The following CHRM3 variants were observed in gnomAD, a reference collection of about 807,000 sequenced individuals.
CHRM3 encodes the protein muscarinic acetylcholine receptor M3.
A neutral mutation model predicts 41.8 loss-of-function variants in CHRM3; 11 were observed. The ratio of observed to expected loss-of-function variants is 0.26; its 90% CI spans 0.17 to 0.44. The LOEUF is 0.44. CHRM3 is among the 20% of genes least tolerant of loss of function. The probability of loss-of-function intolerance (pLI) is 1.00; values close to 1 mark genes in which losing one functional copy is unlikely to be tolerated. For missense variants in CHRM3, 571 were observed against 745.4 expected, an observed-to-expected ratio of 0.77 and a Z score of 2.72; for synonymous variants, 297 against 301.4, an observed-to-expected ratio of 0.99 and a Z score of 0.15.
At chr1:239,733,455 A>G (rs1664137639) in intron 5 of CHRM3, among the ~76,000 whole-genome samples, 1 of 152,078 alleles carries the variant, frequency 6.6e-6, no homozygotes, top group Non-Finnish European at 1.5e-5. Flanking sequence ...TTATCTGTAG[A>G]TATATACCTG....
chr1:239,417,857 A>G (rs1446046956), intron 1 of CHRM3, among the ~76,000 whole-genome samples: 3 of 152,198 alleles, frequency 2.0e-5, no homozygotes, highest in Non-Finnish European at 2.9e-5. Context: ...TTTTGTGACT[A>G]TTTGACAGCA....
intron 3 of CHRM3, among the ~76,000 whole-genome samples, chr1:239,563,118 A>G (rs1386870591): frequency 6.6e-6 from 1 of 152,090 alleles, no homozygotes; most frequent in African/African-American, 2.4e-5. Context: ...TCCTCTAGAA[A>G]TGTTTACAGC....
intron 3 of CHRM3, among the ~76,000 whole-genome samples, chr1:239,578,816 C>G (rs1662604201): frequency 6.6e-6 from 1 of 152,162 alleles, no homozygotes; most frequent in African/African-American, 2.4e-5. Context: ...GTCTCCCACT[C>G]AGGATGCACA....
chr1:239,681,507 C>G (rs1314828884), intron 5 of CHRM3, among the ~76,000 whole-genome samples: 2 of 152,094 alleles, frequency 1.3e-5, no homozygotes, highest in Non-Finnish European at 2.9e-5. Flanking sequence ...TAAAAATGAT[C>G]AGTGAAAGAC....
At chr1:239,652,157 T>TAC (rs1167082980) in intron 4 of CHRM3, among the ~76,000 whole-genome samples, 2 of 152,154 alleles carry the variant, frequency 1.3e-5, no homozygotes, top group Non-Finnish European at 2.9e-5. Flanking sequence ...TGAGCCGGTG[T>TAC]ATACCTTAAA....
intron 2 of CHRM3, among the ~76,000 whole-genome samples, chr1:239,498,523 A>G (rs2148116344): frequency 6.6e-6 from 1 of 152,262 alleles, no homozygotes; most frequent in South Asian, 2.1e-4. Flanking sequence ...GGGCAGTTGG[A>G]TCTACAGAAG....
chr1:239,703,690 G>T lies in CHRM3; in HGVS notation c.-147+25402G>T, dbSNP rs562030531. 2.0e-5 allele frequency: 3 copies of T among 152,230 alleles called. No homozygotes were observed. In the East Asian group the frequency reaches 5.8e-4, roughly 29 times the overall value. The allele number at this position is 152,230 out of a possible 1,614,324, so 9.4% of individuals were successfully genotyped here. A position where few individuals can be genotyped will look rare whatever the true frequency, so the allele number is the denominator to read the frequency against. On this transcript the variant is annotated intron_variant, in intron 5 of 6. Coordinates refer to ENST00000676153, the MANE Select transcript of CHRM3 (RefSeq NM_001375978.1). The stretch of plus-strand genomic sequence containing the variant: ...CTGAATCTACTTGAAGTTTGTGTTT[G>T]ATTCACTCTATTCAGAATTGTTTAC...
chr1:239,545,113 G>C (rs1033883733), intron 2 of CHRM3, among the ~76,000 whole-genome samples: 11 of 152,154 alleles, frequency 7.2e-5, no homozygotes, highest in African/African-American at 4.8e-5. Flanking sequence ...TTTTCTTATT[G>C]ATAAGCATAT....
At chr1:239,572,965 T>A (rs1661970112) in intron 3 of CHRM3, among the ~76,000 whole-genome samples, 1 of 152,220 alleles carries the variant, frequency 6.6e-6, no homozygotes, top group African/African-American at 2.4e-5. Flanking sequence ...CTTCTCTAAA[T>A]GTTCTCACCT....
At chr1:239,581,039 CT>C (rs1662853312) in intron 3 of CHRM3, among the ~76,000 whole-genome samples, 1 of 151,814 alleles carries the variant, frequency 6.6e-6, no homozygotes, top group African/African-American at 2.4e-5. Context: ...CATTTTGTCA[CT>C]TTTAAAAAAA....
chr1:239,696,844 C>A (rs932291798), intron 5 of CHRM3, among the ~76,000 whole-genome samples: 2 of 152,134 alleles, frequency 1.3e-5, no homozygotes, highest in African/African-American at 4.8e-5. Context: ...CAAAAACCAG[C>A]AGTCATCTAA....
chr1:239,650,744 G>A (rs969597895), intron 4 of CHRM3, among the ~76,000 whole-genome samples: 4 of 152,194 alleles, frequency 2.6e-5, no homozygotes, highest in African/African-American at 9.7e-5. Flanking sequence ...GCAAATATCT[G>A]CAGAGGCTAA....
chr1:239,596,209 CTT>C (rs1188072931), intron 3 of CHRM3, among the ~76,000 whole-genome samples: 5 of 152,166 alleles, frequency 3.3e-5, no homozygotes, highest in Non-Finnish European at 7.4e-5. Flanking sequence ...ATCTCTGACT[CTT>C]TACATGAAAG....
chr1:239,635,746 C>G (rs1670391664), intron 4 of CHRM3, among the ~76,000 whole-genome samples: 1 of 152,170 alleles, frequency 6.6e-6, no homozygotes, highest in African/African-American at 2.4e-5. Flanking sequence ...ATCATCTAAG[C>G]CCCATGAGGG....
chr1:239,532,735 T>C (rs1657758689), intron 2 of CHRM3, among the ~76,000 whole-genome samples: 1 of 151,948 alleles, frequency 6.6e-6, no homozygotes, highest in Non-Finnish European at 1.5e-5. Context: ...TGATAGTAAT[T>C]AAGAATATTG....
chr1:239,598,052 T>G (rs1033735415), intron 3 of CHRM3, among the ~76,000 whole-genome samples: 2 of 152,008 alleles, frequency 1.3e-5, no homozygotes, highest in African/African-American at 4.8e-5. Context: ...ACATGGCACA[T>G]AGAAAACACA....
intron 1 of CHRM3, among the ~76,000 whole-genome samples, chr1:239,423,470 G>A (rs1662116979): frequency 6.6e-6 from 1 of 152,160 alleles, no homozygotes; most frequent in Admixed American, 6.5e-5. Flanking sequence ...GAGGATGGAG[G>A]CGGGAATGCA....
In CHRM3 at chr1:239,747,646, A is replaced by G. The variant is rs955772026; in HGVS notation, c.-147+69358A>G. Among the ~76,000 whole-genome samples the G allele has an allele frequency of 2.0e-5, 3 of 152,216 alleles. No homozygotes were observed. The South Asian group carries it at 6.2e-4, about 32-fold the overall frequency. On this transcript the variant is annotated intron_variant, in intron 5 of 6. Coordinates refer to ENST00000676153, the MANE Select transcript of CHRM3 (RefSeq NM_001375978.1). The stretch of plus-strand genomic sequence containing the variant: ...AATAGAGCACAGAATTCTTGCTTTG[A>G]GAATGTGTGGCTTGCTCTGCATTTT...
intron 5 of CHRM3, among the ~76,000 whole-genome samples, chr1:239,817,728 G>A (rs138375644): frequency 6.6e-6 from 1 of 151,962 alleles, no homozygotes; most frequent in Non-Finnish European, 1.5e-5. Flanking sequence ...AGATCTCTAA[G>A]CTCAGACTTT....
Sources: allele counts gnomAD v4.1 joint callset (sites outside exome capture counted in the v4.1 genomes callset), GRCh38; gene constraint gnomAD v4.1.1; transcripts MANE v1.5; gene names NCBI Gene and HGNC (gene_info 2026-07-23, HGNC 2026-07-21).